The following GOLM1 variants were observed in gnomAD, a reference collection of about 807,000 sequenced individuals.
The protein encoded by GOLM1 is epididymis luminal protein 46.
A neutral mutation model predicts 50.5 loss-of-function variants in GOLM1; 31 were observed. That is an observed-to-expected ratio of 0.61 (90% confidence interval 0.46 to 0.83). The LOEUF (loss-of-function observed/expected upper bound fraction) is 0.83, where lower values mean the gene tolerates loss of function less well. GOLM1 is among the 40% of genes least tolerant of loss of function. GOLM1 has a pLI of 0.00. For synonymous variants in GOLM1, 178 were observed against 192.8 expected (o/e 0.92, Z 0.64); for missense variants, 491 against 501.3 (o/e 0.98, Z 0.20).
At chr9:86,035,889 A>C (rs1248629070) in intron 7 of GOLM1, among the ~76,000 whole-genome samples, 4 of 150,282 alleles carry the variant, frequency 2.7e-5, no homozygotes, top group African/African-American at 9.9e-5. Flanking sequence ...AAAACAAAAA[A>C]AAAAAAACAC....
At chr9:86,079,116 C>A (rs1834710051) in intron 2 of GOLM1, 76 bp downstream of exon 2, 1 of 1,328,350 alleles carries the variant, frequency 7.5e-7, no homozygotes. Flanking sequence ...AAACAACAAA[C>A]CCCTGGGACC....
At chr9:86,029,785 T>C in intron 9 of GOLM1, among the ~76,000 whole-genome samples, 1 of 152,236 alleles carries the variant, frequency 6.6e-6, no homozygotes, top group East Asian at 1.9e-4. Context: ...CTCATTTTCT[T>C]TACCTTACCT....
chr9:86,033,320 TTGTC>T lies in GOLM1; in HGVS notation c.1087_1090del (p.Asp363SerfsTer12). On this transcript the variant is annotated frameshift_variant, in exon 9 of 10. Coordinates refer to ENST00000388712, the MANE Select transcript of GOLM1 (RefSeq NM_016548.4). LOFTEE classifies it high-confidence loss of function. ...GTCATTCCCTGCCAGGGCTGCTTGC[TTGTC>T]TGTCTCAGATTCTGCTTCATTTTCA... is the stretch of plus-strand genomic sequence containing the variant. 4 of 1,612,958 alleles carry T rather than the reference TTGTC, an allele frequency of 2.5e-6. No homozygotes were observed. The highest frequency in any genetic ancestry group is 3.4e-6 in the Non-Finnish European group (4 of 1,178,878).
intron 2 of GOLM1, among the ~76,000 whole-genome samples, chr9:86,078,645 G>A (rs1834693063): frequency 1.3e-5 from 2 of 152,116 alleles, no homozygotes; most frequent in African/African-American, 4.8e-5. Flanking sequence ...GCTCAGAAGG[G>A]CCCGACTCAA....
chr9:86,058,829 T>C (rs1352052894), intron 3 of GOLM1, among the ~76,000 whole-genome samples: 1 of 151,590 alleles, frequency 6.6e-6, no homozygotes, highest in Non-Finnish European at 1.5e-5. Flanking sequence ...AAACCCCATC[T>C]CTACTAAAAC....
At chr9:86,055,892 G>A (rs1833969758) in intron 3 of GOLM1, among the ~76,000 whole-genome samples, 1 of 152,120 alleles carries the variant, frequency 6.6e-6, no homozygotes, top group African/African-American at 2.4e-5. Context: ...TCACATCACT[G>A]ATCTGTACAC....
At chr9:86,080,527 G>C (rs1409655618) in intron 1 of GOLM1, among the ~76,000 whole-genome samples, 1 of 152,128 alleles carries the variant, frequency 6.6e-6, no homozygotes, top group African/African-American at 2.4e-5. Flanking sequence ...ATACCACCAA[G>C]GATTCACCTG....
chr9:86,026,589 T>C lies in GOLM1; in HGVS notation c.*1228A>G. 1.0e-6 allele frequency: 1 copy of C among 967,998 alleles called. No individual in the cohort carries two copies. The highest frequency in any genetic ancestry group is 4.8e-5 in the South Asian group (1 of 20,902). The allele number at this position is 967,998 out of a possible 1,614,324, so 60.0% of individuals were successfully genotyped here. ...TCTGGGGCCTTAGCATCTCAAATCC[T>C]GTGGATCCTCCTACTTACCCCTTAG... On this transcript the variant is annotated 3_prime_UTR_variant, in exon 10 of 10. Transcript: ENST00000388712.
At chr9:86,044,430 C>T (rs1381262605) in intron 5 of GOLM1, among the ~76,000 whole-genome samples, 15 of 152,162 alleles carry the variant, frequency 9.9e-5, no homozygotes, top group African/African-American at 2.9e-4. Context: ...TGCCGAAGAA[C>T]GCAATGCACG....
intron 1 of GOLM1, among the ~76,000 whole-genome samples, chr9:86,089,454 C>T (rs1835103594): frequency 2.0e-5 from 3 of 152,046 alleles, no homozygotes; most frequent in Admixed American, 2.0e-4. Context: ...TTGTTCATTC[C>T]TTTTCATTCT....
chr9:86,033,451 G>A (rs1346824515), intron 8 of GOLM1, 56 bp from the exon 9 acceptor site: 2 of 1,054,858 alleles, frequency 1.9e-6, no homozygotes, highest in Non-Finnish European at 2.9e-6. Context: ...GATGTCACAG[G>A]ACTATCAGAG....
At chr9:86,070,349 G>A (rs181481539) in intron 3 of GOLM1, among the ~76,000 whole-genome samples, 32 of 152,066 alleles carry the variant, frequency 2.1e-4, no homozygotes, top group African/African-American at 7.0e-4. Flanking sequence ...CAAGGTGGGC[G>A]GATCACGAGC....
In GOLM1 at chr9:86,027,613, G is replaced by A; in HGVS notation, c.*204C>T. The A allele has an allele frequency of 5.9e-6, 8 of 1,351,708 alleles. No homozygotes were observed. Among genetic ancestry groups the A allele is most frequent in the African/African-American group, 1.5e-5 (1 of 66,478 alleles). 83.7% of individuals were successfully genotyped at this position (1,351,708 alleles called of 1,614,324 possible). A position where few individuals can be genotyped will look rare whatever the true frequency, so the allele number is the denominator to read the frequency against. The stretch of plus-strand genomic sequence containing the variant: ...TACCAAAAATTGTGACACCTTATTA[G>A]ACACTTCCAAAGTACCCCCCAAAAG... On this transcript the variant is annotated 3_prime_UTR_variant, in exon 10 of 10. Transcript: ENST00000388712.
rs1295874674 is a variant in GOLM1 at position 86,060,895 on chromosome 9, AAAAAAAAAAAAAAAAAAAAG to A, written c.310-8324_310-8305del. Among the ~76,000 whole-genome samples, 126 of 137,888 alleles carry A rather than the reference AAAAAAAAAAAAAAAAAAAAG, an allele frequency of 9.1e-4. 1 individual carries two copies. Among genetic ancestry groups the A allele is most frequent in the African/African-American group, 3.1e-3 (108 of 34,356 alleles). The allele number at this position is 137,888 out of a possible 152,430, so 90.5% of individuals were successfully genotyped here. A position where few individuals can be genotyped will look rare whatever the true frequency, so the allele number is the denominator to read the frequency against. ...CTCTCTCAAAAAAAAAAAAAAAAAA[AAAAAAAAAAAAAAAAAAAAG>A]AAGAAGAAGAAGAAGTTACACAACA... On this transcript the variant is annotated intron_variant, in intron 3 of 9. Coordinates refer to ENST00000388712, the MANE Select transcript of GOLM1 (RefSeq NM_016548.4).
At chr9:86,071,700 G>A (rs757979069) in intron 3 of GOLM1, among the ~76,000 whole-genome samples, 3 of 151,620 alleles carry the variant, frequency 2.0e-5, no homozygotes, top group Non-Finnish European at 4.4e-5. Flanking sequence ...AGCAATAATA[G>A]TTTCATAACG....
At chr9:86,069,616 G>A (rs934781166) in intron 3 of GOLM1, among the ~76,000 whole-genome samples, 2 of 152,222 alleles carry the variant, frequency 1.3e-5, no homozygotes, top group African/African-American at 4.8e-5. Context: ...TTCCTCCTGT[G>A]TGAGGTTCCT....
At chr9:86,090,737 G>A (rs1447859754) in intron 1 of GOLM1, among the ~76,000 whole-genome samples, 4 of 148,876 alleles carry the variant, frequency 2.7e-5, no homozygotes, top group Admixed American at 6.7e-5. Context: ...TCCTTTCCAG[G>A]GGAGTGAACA....
At chr9:86,041,228 C>T (rs554248038) in intron 5 of GOLM1, among the ~76,000 whole-genome samples, 3 of 152,272 alleles carry the variant, frequency 2.0e-5, no homozygotes, top group African/African-American at 7.2e-5. Context: ...TCTGGCGATT[C>T]ACAAGCCCCT....
chr9:86,056,959 C>T (rs1017716887), intron 3 of GOLM1, among the ~76,000 whole-genome samples: 15 of 152,248 alleles, frequency 9.9e-5, no homozygotes, highest in African/African-American at 3.6e-4. Flanking sequence ...AGCCATGGTG[C>T]TGGGCCATAA....
Sources: allele counts gnomAD v4.1 joint callset (sites outside exome capture counted in the v4.1 genomes callset), GRCh38; gene constraint gnomAD v4.1.1; transcripts MANE v1.5; gene names NCBI Gene and HGNC (gene_info 2026-07-23, HGNC 2026-07-21).